Variants in KCNN2 observed in about 807,000 individuals in gnomAD.
KCNN2 encodes the protein potassium calcium-activated channel subfamily N member 2.
A neutral mutation model predicts 55.5 loss-of-function variants in KCNN2; 24 were observed. That is an observed-to-expected ratio of 0.43 (90% CI 0.31 to 0.61). The LOEUF is 0.61. Among genes scored for constraint, KCNN2 ranks in the 20% least tolerant of loss-of-function variants. The pLI is 0.08. For synonymous variants in KCNN2, 431 were observed against 336.1 expected (o/e 1.28, Z -3.09); for missense variants, 754 against 853.6 (o/e 0.88, Z 1.45).
At chr5:114,278,444 C>T (rs530675525) in intron 2 of KCNN2, among the ~76,000 whole-genome samples, 1 of 152,334 alleles carries the variant, frequency 6.6e-6, no homozygotes, top group East Asian at 1.9e-4. Flanking sequence ...TCAGATATGC[C>T]CTGCCGCCAG....
intron 2 of KCNN2, among the ~76,000 whole-genome samples, chr5:114,304,913 T>C (rs768547988): frequency 6.6e-6 from 1 of 152,226 alleles, no homozygotes; most frequent in Non-Finnish European, 1.5e-5. Flanking sequence ...CTTTGTCTTC[T>C]GCCTTGGAGA....
intron 1 of KCNN2, chr5:114,057,199 G>A (rs1750227796): frequency 1.3e-5 from 2 of 152,162 alleles, no homozygotes; most frequent in South Asian, 2.1e-4. Context: ...ATGCCCTCAA[G>A]CCATGGGTAG....
intron 1 of KCNN2, among the ~76,000 whole-genome samples, chr5:114,089,029 T>A (rs1306966074): frequency 1.3e-5 from 2 of 152,196 alleles, no homozygotes; most frequent in Non-Finnish European, 2.9e-5. Context: ...TGCTTTAAAG[T>A]TTTTGTCTGT....
chr5:114,168,569 A>C (rs764969313), intron 1 of KCNN2, among the ~76,000 whole-genome samples: 1 of 152,040 alleles, frequency 6.6e-6, no homozygotes, highest in Non-Finnish European at 1.5e-5. Context: ...GAACAAGCTA[A>C]AAATATTTAT....
chr5:114,405,073 A>C (rs143449209), intron 3 of KCNN2, among the ~76,000 whole-genome samples: 1 of 152,276 alleles, frequency 6.6e-6, no homozygotes, highest in African/African-American at 2.4e-5. Context: ...TAATTTGATC[A>C]GTTTTCAGTA....
chr5:114,491,114 G>C (rs1747826734), intron 6 of KCNN2, among the ~76,000 whole-genome samples: 1 of 152,130 alleles, frequency 6.6e-6, no homozygotes, highest in African/African-American at 2.4e-5. Context: ...AAATTCTACT[G>C]TCAGACATAG....
intron 2 of KCNN2, among the ~76,000 whole-genome samples, chr5:114,290,569 T>C (rs1755863980): frequency 6.6e-6 from 1 of 152,046 alleles, no homozygotes; most frequent in Admixed American, 6.6e-5. Flanking sequence ...TCTTCATTAT[T>C]TTTCTTGTCA....
intron 2 of KCNN2, among the ~76,000 whole-genome samples, chr5:114,347,126 A>T (rs1757121724): frequency 6.6e-6 from 1 of 152,236 alleles, no homozygotes; most frequent in Admixed American, 6.5e-5. Flanking sequence ...TATAGAAGGT[A>T]TTATTAAAGG....
At chr5:114,358,639 T>C (rs1375936864), upstream of KCNN2, among the ~76,000 whole-genome samples, 2 of 141,544 alleles carry the variant, frequency 1.4e-5, no homozygotes, top group Non-Finnish European at 3.1e-5. Flanking sequence ...GTCATAGCCC[T>C]TGATCTGCGT....
chr5:114,244,342 CA>C, intron 2 of KCNN2, among the ~76,000 whole-genome samples: 1 of 51,662 alleles, frequency 1.9e-5, no homozygotes, highest in East Asian at 1.0e-3. Flanking sequence ...CATGGCGGCT[CA>C]TTGCCACTTG....
chr5:114,256,649 A>AT (rs1490276862), intron 2 of KCNN2, among the ~76,000 whole-genome samples: 2 of 151,802 alleles, frequency 1.3e-5, no homozygotes, highest in Admixed American at 6.6e-5. Flanking sequence ...TTTTCATATG[A>AT]TTTTTTACCA....
chr5:114,351,745 ATAGT>A (rs1319162428), intron 2 of KCNN2, among the ~76,000 whole-genome samples: 3 of 151,710 alleles, frequency 2.0e-5, no homozygotes, highest in Non-Finnish European at 4.4e-5. Flanking sequence ...TATTGTATTG[ATAGT>A]TTGTATTACA....
intron 1 of KCNN2, among the ~76,000 whole-genome samples, chr5:114,175,891 G>C (rs1358712895): frequency 2.0e-5 from 3 of 152,132 alleles, no homozygotes; most frequent in Admixed American, 2.0e-4. Context: ...ATTCTGAAAT[G>C]ACTTGCAAGC....
intron 2 of KCNN2, among the ~76,000 whole-genome samples, chr5:114,256,771 A>T (rs1036704093): frequency 3.3e-5 from 5 of 152,102 alleles, no homozygotes; most frequent in African/African-American, 1.2e-4. Flanking sequence ...GATTCTGGAT[A>T]TTAGTCCTTT....
At chr5:114,354,864 T>C (rs558374846) in intron 2 of KCNN2, among the ~76,000 whole-genome samples, 1 of 152,282 alleles carries the variant, frequency 6.6e-6, no homozygotes, top group South Asian at 2.1e-4. Flanking sequence ...ATGACCTAAT[T>C]ATTGTACATT....
chr5:114,170,167 G>A (rs1421819712), intron 1 of KCNN2, among the ~76,000 whole-genome samples: 1 of 152,006 alleles, frequency 6.6e-6, no homozygotes, highest in East Asian at 1.9e-4. Flanking sequence ...AAAAATTTTG[G>A]CTTGAGCTCA....
At chr5:114,066,424 G>A (rs1282952532) in intron 1 of KCNN2, among the ~76,000 whole-genome samples, 1 of 152,156 alleles carries the variant, frequency 6.6e-6, no homozygotes, top group Non-Finnish European at 1.5e-5. Context: ...TGCAGATTTG[G>A]GAGGAATCTG....
At chr5:114,254,836 T>G (rs1754949908) in intron 2 of KCNN2, among the ~76,000 whole-genome samples, 1 of 152,118 alleles carries the variant, frequency 6.6e-6, no homozygotes, top group South Asian at 2.1e-4. Context: ...TTCATTCACT[T>G]AAAGAAAAAT....
intron 2 of KCNN2, among the ~76,000 whole-genome samples, chr5:114,277,382 C>A (rs1317180965): frequency 6.6e-6 from 1 of 152,086 alleles, no homozygotes. Context: ...GGATGTTGGC[C>A]TGCCTTGCTA....
Sources: gnomAD v4.1 joint callset for allele counts (sites outside exome capture counted in the v4.1 genomes callset) on GRCh38, gnomAD v4.1.1 for gene constraint, MANE v1.5 for transcripts, NCBI Gene and HGNC (gene_info 2026-07-23, HGNC 2026-07-21) for gene names.